Variants in ZNF558 observed in about 807,000 individuals in gnomAD.
ZNF558 encodes zinc finger protein 558.
A neutral mutation model predicts 37.6 loss-of-function variants in ZNF558; 23 were observed. That is an observed-to-expected ratio of 0.61 (90% CI 0.44 to 0.87). The LOEUF (loss-of-function observed/expected upper bound fraction) is 0.87, where lower values mean the gene tolerates loss of function less well. ZNF558 is among the 40% of genes least tolerant of loss of function. ZNF558 has a pLI of 0.00. For synonymous variants in ZNF558, 189 were observed against 174.4 expected (o/e 1.08, Z -0.66); for missense variants, 429 against 483.7 (o/e 0.89, Z 1.06).
In ZNF558 at chr19:8,822,480, G is replaced by A. The variant is rs2044118455; in HGVS notation, c.31+149C>T. 1 of 1,104,014 alleles carries A rather than the reference G, an allele frequency of 9.1e-7. No individual in the cohort carries two copies. Among genetic ancestry groups the A allele is most frequent in the Middle Eastern group, 2.0e-4 (1 of 4,940 alleles). The allele number at this position is 1,104,014 out of a possible 1,614,324, so 68.4% of individuals were successfully genotyped here. On this transcript the variant is annotated intron_variant, in intron 5 of 9. Coordinates refer to ENST00000601372, the MANE Select transcript of ZNF558 (RefSeq NM_144693.3). This position sits in a 1 kb window ranked among gnomAD's most constrained non-coding sequence, Gnocchi z 4.4. ...CAAATGCCTAAGTCCCAAATCCCGAGAGCTGCCCGATCAGACACGGAGGAC... is the reference window on the plus strand; with the variant it reads ...CAAATGCCTAAGTCCCAAATCCCGAAAGCTGCCCGATCAGACACGGAGGAC...
chr19:8,821,657 T>A, intron 6 of ZNF558: 1 of 1,312,538 alleles, frequency 7.6e-7, no homozygotes, highest in Non-Finnish European at 9.7e-7. Flanking sequence ...CATGGGCCCG[T>A]GACATGGCAG....
chr19:8,813,901 C>T (rs1220584751), intron 7 of ZNF558, among the ~76,000 whole-genome samples: 1 of 152,170 alleles, frequency 6.6e-6, no homozygotes, highest in Non-Finnish European at 1.5e-5. Flanking sequence ...AGGGTGGGAC[C>T]ATATGGTCCC....
At chr19:8,814,875 A>T (rs528372764) in intron 7 of ZNF558, among the ~76,000 whole-genome samples, 1 of 152,368 alleles carries the variant, frequency 6.6e-6, no homozygotes, top group African/African-American at 2.4e-5. Context: ...TGTATATTCT[A>T]ACAGGAGTTT....
chr19:8,821,479 C>T (rs778462053), intron 6 of ZNF558, 173 bp from the exon 7 acceptor site: 456 of 1,473,564 alleles, frequency 3.1e-4, no homozygotes, highest in Non-Finnish European at 4.0e-4. Context: ...GGGTTCTGAG[C>T]TCCTCTCCTG....
At chr19:8,817,366 C>T (rs2043965051) in intron 7 of ZNF558, among the ~76,000 whole-genome samples, 1 of 152,086 alleles carries the variant, frequency 6.6e-6, no homozygotes, top group Admixed American at 6.5e-5. Context: ...ACTTTCAGTA[C>T]CATATTAAAT....
In ZNF558 at chr19:8,822,045, C is replaced by T. The variant is rs766113654; in HGVS notation, c.78G>A (p.Gln26=). 1.3e-4 allele frequency: 212 copies of T among 1,613,968 alleles called. No individual in the cohort carries two copies. The highest frequency in any genetic ancestry group is 2.7e-4 in the Admixed American group (16 of 60,000). The change falls in exon 6 of 10, where the codon CAG becomes CAA. Residue 26 remains glutamine, a synonymous_variant. Coordinates refer to ENST00000601372, the MANE Select transcript of ZNF558 (RefSeq NM_144693.3). This position sits in a 1 kb window ranked among gnomAD's most constrained non-coding sequence, Gnocchi z 4.4. ...GGAGCTCATTAACCAGCTCTCCGCCCTGTGTGTGTCCTTTTTGCTGAGAGG... is the reference window on the plus strand; with the variant it reads ...GGAGCTCATTAACCAGCTCTCCGCCTTGTGTGTGTCCTTTTTGCTGAGAGG... ...FPASQQKGHT[Q]GGELVNELLT... is the part of the protein sequence containing the mutation.
intron 9 of ZNF558, among the ~76,000 whole-genome samples, 184 bp downstream of exon 9, chr19:8,812,377 A>T (rs1025057385): frequency 7.2e-5 from 11 of 152,220 alleles, no homozygotes. Flanking sequence ...TGAAGAAATA[A>T]GTTTGGAGCT....
Position 8,822,209 on chromosome 19 carries a change from C to T in ZNF558, c.32-118G>A. The T allele has an allele frequency of 8.1e-7, 1 of 1,231,292 alleles. No homozygotes were observed. The highest frequency in any genetic ancestry group is 1.1e-6 in the Non-Finnish European group (1 of 874,354). 76.3% of individuals were successfully genotyped at this position (1,231,292 alleles called of 1,614,324 possible). A position where few individuals can be genotyped will look rare whatever the true frequency, so the allele number is the denominator to read the frequency against. ...CGGATGAGGCACCACACAGTGCCCA[C>T]CTACGCTCCATGCAAACACCTACCC... On this transcript the variant is annotated intron_variant, in intron 5 of 9. Coordinates refer to ENST00000601372, the MANE Select transcript of ZNF558 (RefSeq NM_144693.3). The surrounding 1 kb of genome is among the most constrained non-coding windows in gnomAD (Gnocchi z 4.4).
chr19:8,834,036 C>T (rs938548893), upstream of ZNF558, among the ~76,000 whole-genome samples: 1 of 151,914 alleles, frequency 6.6e-6, no homozygotes, highest in Non-Finnish European at 1.5e-5. Flanking sequence ...AAAAAAGATA[C>T]TGGTAAGTGC....
chr19:8,812,540 A>T (rs1300032529), intron 9 of ZNF558, 21 bp downstream of exon 9: 2 of 1,497,992 alleles, frequency 1.3e-6, no homozygotes, highest in Non-Finnish European at 1.8e-6. Flanking sequence ...GAAAACCAGA[A>T]ATCACCCATG....
intron 7 of ZNF558, 28 bp from the exon 8 acceptor site, chr19:8,813,250 T>A (rs973262650): frequency 6.5e-7 from 1 of 1,535,352 alleles, no homozygotes; most frequent in Admixed American, 1.9e-5. Context: ...ACACATGATA[T>A]AGGTAACAGT....
chr19:8,821,034 A>G (rs2044073486), intron 7 of ZNF558, 146 bp downstream of exon 7: 3 of 1,291,828 alleles, frequency 2.3e-6, no homozygotes, highest in South Asian at 3.1e-5. Context: ...GAATGTATGA[A>G]AAACCACTGG....
At chr19:8,826,690 G>A (rs1049546297) in intron 2 of ZNF558, among the ~76,000 whole-genome samples, 1 of 152,162 alleles carries the variant, frequency 6.6e-6, no homozygotes, top group Non-Finnish European at 1.5e-5. Context: ...CGTGGCCCAG[G>A]GGCTGGGGAC....
rs1196499490 is a variant in ZNF558, at chr19:8,809,408, T to C, written c.*1873A>G. The C allele has an allele frequency of 6.6e-6, 1 of 152,200 alleles. No homozygotes were observed. Among genetic ancestry groups the C allele is most frequent in the Non-Finnish European group, 1.5e-5 (1 of 68,024 alleles). The allele number at this position is 152,200 out of a possible 1,614,324, so 9.4% of individuals were successfully genotyped here. ...ACTATAAGATTGAGAACTTTCGATA[T>C]TGTTCACAGACAACTTGAACAACAT... On this transcript the variant is annotated 3_prime_UTR_variant, in exon 10 of 10. Transcript: ENST00000601372.
chr19:8,837,643 C>A, the ZNF558 span, among the ~76,000 whole-genome samples: 1 of 152,154 alleles, frequency 6.6e-6, no homozygotes, highest in Non-Finnish European at 1.5e-5. Context: ...AAGACCCTCA[C>A]CCTTCACACT....
intron 7 of ZNF558, among the ~76,000 whole-genome samples, chr19:8,819,649 G>A (rs2044031326): frequency 6.6e-6 from 1 of 152,094 alleles, no homozygotes; most frequent in Admixed American, 6.5e-5. Context: ...GTAAAACATG[G>A]GCAGAGGACT....
At chr19:8,834,392 G>A (rs1306306743), upstream of ZNF558, among the ~76,000 whole-genome samples, 5 of 151,934 alleles carry the variant, frequency 3.3e-5, 1 homozygote, top group South Asian at 8.3e-4. Flanking sequence ...GGCAGATCAC[G>A]AGGTCAAGAT....
intron 7 of ZNF558, among the ~76,000 whole-genome samples, chr19:8,819,441 A>G (rs140870960): frequency 0.025 from 3,879 of 152,180 alleles, 162 homozygotes; most frequent in African/African-American, 0.089. Flanking sequence ...TCAGCCTCCC[A>G]AAGTGCTGGG....
Position 8,822,799 on chromosome 19 carries a change from C to T in ZNF558, c.-65-75G>A, listed in dbSNP as rs2044128103. On this transcript the variant is annotated intron_variant, in intron 4 of 9. Coordinates refer to ENST00000601372, the MANE Select transcript of ZNF558 (RefSeq NM_144693.3). This position sits in a 1 kb window ranked among gnomAD's most constrained non-coding sequence, Gnocchi z 4.4. ...GCTGCTGGGGATGGGCCCTCCTCAA[C>T]CCATCCTTCCCATCCTTCTTCAAAT... The T allele has an allele frequency of 7.5e-6, 9 of 1,202,156 alleles. No homozygotes were observed. Among genetic ancestry groups the T allele is most frequent in the Non-Finnish European group, 8.3e-6 (7 of 844,250 alleles). 74.5% of individuals were successfully genotyped at this position (1,202,156 alleles called of 1,614,324 possible).
Sources: allele counts gnomAD v4.1 joint callset (sites outside exome capture counted in the v4.1 genomes callset), GRCh38; gene constraint gnomAD v4.1.1; non-coding constraint Gnocchi (gnomAD v3.1); transcripts MANE v1.5; gene names NCBI Gene and HGNC (gene_info 2026-07-23, HGNC 2026-07-21).